The following MAP3K11 variants were observed in gnomAD, a reference collection of about 807,000 sequenced individuals.
MAP3K11 encodes SH3 domain-containing proline-rich kinase.
In MAP3K11, 46 loss-of-function variants were observed where a neutral mutation model predicts 84.9. The observed-to-expected ratio is 0.54, with a 90% confidence interval of 0.43 to 0.69. The LOEUF (loss-of-function observed/expected upper bound fraction) is 0.69, where lower values mean the gene tolerates loss of function less well. Ranked by LOEUF, MAP3K11 falls within the 30% of genes least tolerant of loss-of-function variation. The pLI is 0.00. For synonymous variants in MAP3K11, 527 were observed against 514.7 expected, an observed-to-expected ratio of 1.02 and a Z score of -0.32; for missense variants, 1,053 against 1,198.3, an observed-to-expected ratio of 0.88 and a Z score of 1.79.
At chr11:65,600,281 CCT>C (rs1408689033) in intron 8 of MAP3K11, among the ~76,000 whole-genome samples, 1 of 152,206 alleles carries the variant, frequency 6.6e-6, no homozygotes, top group Non-Finnish European at 1.5e-5. Context: ...GGCATAAATC[CCT>C]GTCTCTATTC....
chr11:65,605,882 T>A, intron 7 of MAP3K11, 30 bp from the exon 8 acceptor site: 1 of 1,612,198 alleles, frequency 6.2e-7, no homozygotes, highest in Non-Finnish European at 8.5e-7. Context: ...GAGGGGTGCT[T>A]TAGGAATTTC....
intron 6 of MAP3K11, 67 bp from the exon 7 acceptor site, chr11:65,606,148 A>G: frequency 2.0e-6 from 3 of 1,493,712 alleles, no homozygotes; most frequent in Non-Finnish European, 1.8e-6. Context: ...GTCAGGCTTC[A>G]GAGATAAACT....
chr11:65,607,191 G>C (rs1341204086), intron 5 of MAP3K11, 79 bp downstream of exon 5: 1 of 1,395,342 alleles, frequency 7.2e-7, no homozygotes, highest in Admixed American at 3.5e-5. Context: ...ACCAATCCCA[G>C]CGCGGTGAGC....
intron 9 of MAP3K11, among the ~76,000 whole-genome samples, chr11:65,599,084 G>A (rs1368210726): frequency 6.6e-6 from 1 of 152,110 alleles, no homozygotes; most frequent in Non-Finnish European, 1.5e-5. Context: ...ACCGCTCACT[G>A]CAGCCTCAAC....
intron 8 of MAP3K11, among the ~76,000 whole-genome samples, chr11:65,602,038 C>T (rs1854461735): frequency 6.6e-6 from 1 of 151,182 alleles, no homozygotes; most frequent in Non-Finnish European, 1.5e-5. Flanking sequence ...CCTGTCTCTA[C>T]TAAAAAATAC....
intron 8 of MAP3K11, 42 bp downstream of exon 8, chr11:65,605,719 A>T: frequency 6.7e-7 from 1 of 1,494,794 alleles, no homozygotes; most frequent in Non-Finnish European, 9.2e-7. Flanking sequence ...TGCCCACGGA[A>T]GGAGCTCAGC....
intron 1 of MAP3K11, chr11:65,609,909 TGAG>T (rs1854554889): frequency 6.6e-6 from 1 of 152,332 alleles, no homozygotes; most frequent in Non-Finnish European, 1.5e-5. Flanking sequence ...ACCTGGGCCT[TGAG>T]GAGGCATCTG....
At position 65,607,726 on chromosome 11, in the gene MAP3K11, A is replaced by C. The variant is rs1854528488; in HGVS notation, c.1160T>G (p.Met387Arg). The C allele has an allele frequency of 6.2e-7, 1 of 1,613,750 alleles. No individual in the cohort carries two copies. The highest frequency in any genetic ancestry group is 8.5e-7 in the Non-Finnish European group (1 of 1,179,906). ...EALEAQVLRE[M>R]PRDSFHSMQE... ...CATGGAATGGAAGGAGTCCCGCGGC[A>C]TTTCCCGTAGGACCTGTGCCTCCAG... The change falls in exon 4 of 10, where the codon ATG (methionine) becomes AGG (arginine). Residue 387 changes from methionine (M) to arginine (R), a missense_variant. Transcript: ENST00000309100.
intron 1 of MAP3K11, chr11:65,609,217 T>A (rs965035197): frequency 6.6e-6 from 1 of 151,964 alleles, no homozygotes; most frequent in African/African-American, 2.4e-5. Context: ...GAACCCCCCT[T>A]AGAGTGGGGA....
At chr11:65,609,210 C>G (rs1426904160) in intron 1 of MAP3K11, 1 of 152,142 alleles carries the variant, frequency 6.6e-6, no homozygotes, top group Non-Finnish European at 1.5e-5. Context: ...TGAATCAGAA[C>G]CCCCCTTAGA....
chr11:65,605,609 G>T, intron 8 of MAP3K11, 152 bp downstream of exon 8: 1 of 586,894 alleles, frequency 1.7e-6, no homozygotes, highest in Non-Finnish European at 2.9e-6. Flanking sequence ...TCCAGGATCG[G>T]CTCTGTCTTG....
chr11:65,606,146 T>G (rs1328598686), intron 6 of MAP3K11, 65 bp from the exon 7 acceptor site: 6 of 1,495,040 alleles, frequency 4.0e-6, no homozygotes, highest in Non-Finnish European at 1.8e-6. Context: ...CAGTCAGGCT[T>G]CAGAGATAAA....
chr11:65,607,807 G>T lies in MAP3K11; in HGVS notation c.1079C>A (p.Ala360Glu), dbSNP rs763902491. 4 of 1,611,218 alleles carry T rather than the reference G, an allele frequency of 2.5e-6. No homozygotes were observed. The Admixed American group carries it at 6.7e-5, about 27-fold the overall frequency. The change falls in exon 4 of 10, where the codon GCG becomes GAG. Residue 360 changes from alanine to glutamate, a missense_variant. Ala to Glu is a moderately radical substitution (Grantham distance 107). Around this residue, in one of 3 missense-constraint regions of MAP3K11, gnomAD observed 310 missense variants for 464.5 expected, o/e 0.67. Coordinates refer to ENST00000309100, the MANE Select transcript of MAP3K11 (RefSeq NM_002419.4). The part of the protein sequence containing the change: ...PFAQLMADCW[A>E]QDPHRRPDFA... ...GTCGGGCCTGCGGTGGGGGTCCTGCGCCCAGCAGTCTAGGGGCACGGCGTG... is the reference window on the plus strand; with the variant it reads ...GTCGGGCCTGCGGTGGGGGTCCTGCTCCCAGCAGTCTAGGGGCACGGCGTG...
In MAP3K11 at chr11:65,598,249, C is replaced by T. The variant is rs1854405921; in HGVS notation, c.*42G>A. 1 of 1,384,308 alleles carries T rather than the reference C, an allele frequency of 7.2e-7. No homozygotes were observed. Among genetic ancestry groups the T allele is most frequent in the Non-Finnish European group, 9.4e-7 (1 of 1,063,078 alleles). 85.8% of individuals were successfully genotyped at this position (1,384,308 alleles called of 1,614,324 possible). ...TCCTGTTCCAGTGTATGCTGTGACTCCTCCTAAGGCAGCTGGAGCTCGGGG... is the reference window on the plus strand; with the variant it reads ...TCCTGTTCCAGTGTATGCTGTGACTTCTCCTAAGGCAGCTGGAGCTCGGGG... On this transcript the variant is annotated 3_prime_UTR_variant, in exon 10 of 10. Transcript: ENST00000309100.
In MAP3K11 at chr11:65,613,606, C is replaced by G. The variant is rs753987214; in HGVS notation, c.151G>C (p.Asp51His). 1.9e-6 allele frequency: 3 copies of G among 1,613,128 alleles called. No homozygotes were observed. Among genetic ancestry groups the G allele is most frequent in the Non-Finnish European group, 2.5e-6 (3 of 1,179,992 alleles). ...YANPVWTALF[D>H]YEPSGQDELA... ...TCATCCTGCCCACTGGGCTCGTAGT[C>G]GAACAGGGCTGTCCACACCGGGTTG... The change falls in exon 1 of 10, where the codon GAC becomes CAC. Residue 51 changes from aspartate to histidine, a missense_variant. Transcript: ENST00000309100.
At chr11:65,599,909 TC>T in intron 8 of MAP3K11, 141 bp from the exon 9 acceptor site, 2 of 857,484 alleles carry the variant, frequency 2.3e-6, no homozygotes, top group Non-Finnish European at 3.5e-6. Flanking sequence ...TCCCATGGCC[TC>T]CCCATCACAT....
intron 6 of MAP3K11, chr11:65,606,382 TTTCTC>T (rs1277458910): frequency 2.4e-6 from 1 of 424,144 alleles, no homozygotes; most frequent in Non-Finnish European, 4.1e-6. Flanking sequence ...TTTTTTCACT[TTTCTC>T]ATCCATAAAA....
At chr11:65,607,056 C>A in intron 5 of MAP3K11, 1 of 748,772 alleles carries the variant, frequency 1.3e-6, no homozygotes, top group South Asian at 2.1e-5. Context: ...GTGAACCCCA[C>A]CCCTTCCCAC....
chr11:65,606,012 C>T lies in MAP3K11; in HGVS notation c.1673G>A (p.Gly558Glu). Residue 558 changes from glycine to glutamate, a missense_variant, in exon 7 of 10, where the codon GGA becomes GAA. Gly to Glu is a moderately conservative substitution (Grantham distance 98). Coordinates refer to ENST00000309100, the MANE Select transcript of MAP3K11 (RefSeq NM_002419.4). ...SPRRLEDSSN[G>E]ERRACWAWGP... ...CCAAGCCCAGCATGCTCGCCGCTCT[C>T]CATTGCTTGAGTCCTCCAGACGTCG... The T allele has an allele frequency of 6.2e-7, 1 of 1,601,804 alleles. No homozygotes were observed. Among genetic ancestry groups the T allele is most frequent in the Non-Finnish European group, 8.5e-7 (1 of 1,174,830 alleles).
Sources: gnomAD v4.1 joint callset for allele counts (sites outside exome capture counted in the v4.1 genomes callset) on GRCh38, gnomAD v4.1.1 for gene constraint, gnomAD v4.1.1 regional missense constraint, MANE v1.5 for transcripts, NCBI Gene and HGNC (gene_info 2026-07-23, HGNC 2026-07-21) for gene names.